TMEM108: variants seen among roughly 807,000 people sequenced by gnomAD.
The protein encoded by TMEM108 is cancer/testis antigen 124.
A neutral mutation model predicts 35.1 loss-of-function variants in TMEM108; 12 were observed. The ratio of observed to expected loss-of-function variants is 0.34; its 90% CI spans 0.22 to 0.55. TMEM108 has a LOEUF of 0.55. Among genes scored for constraint, TMEM108 ranks in the 20% least tolerant of loss-of-function variants. TMEM108 has a pLI of 0.89. For synonymous variants in TMEM108, 287 were observed against 308.6 expected, an observed-to-expected ratio of 0.93 and a Z score of 0.73; for missense variants, 680 against 753.3, an observed-to-expected ratio of 0.90 and a Z score of 1.14.
chr3:133,292,632 G>T (rs1193082531), intron 3 of TMEM108, among the ~76,000 whole-genome samples: 1 of 152,204 alleles, frequency 6.6e-6, no homozygotes, highest in Non-Finnish European at 1.5e-5. Context: ...TTCAGAGCCT[G>T]CCTGCTATGG....
At chr3:133,078,767 T>A (rs1005324319) in intron 2 of TMEM108, among the ~76,000 whole-genome samples, 1 of 152,216 alleles carries the variant, frequency 6.6e-6, no homozygotes, top group Non-Finnish European at 1.5e-5. Context: ...TATGAAATGT[T>A]TTTTTCTTTC....
chr3:133,372,692 T>C lies in TMEM108; in HGVS notation c.41-7060T>C, dbSNP rs151005196. ...CAGTCTAGCTGTTGAACCAGTAATC[T>C]CAGAGATGTCTGTAATCTACCAAAC... On this transcript the variant is annotated intron_variant, in intron 3 of 5. Coordinates refer to ENST00000321871, the MANE Select transcript of TMEM108 (RefSeq NM_023943.4). Among the ~76,000 whole-genome samples the C allele has an allele frequency of 3.3e-5, 5 of 152,340 alleles. No homozygotes were observed. In the East Asian group the frequency reaches 5.8e-4, roughly 18 times the overall value.
At position 133,322,156 on chromosome 3, in the gene TMEM108, A is replaced by G. The variant is rs570933747; in HGVS notation, c.41-57596A>G. Among the ~76,000 whole-genome samples, 15 of 152,334 alleles carry G rather than the reference A, an allele frequency of 9.8e-5. No individual in the cohort carries two copies. The South Asian group carries it at 2.3e-3, about 23-fold the overall frequency. On this transcript the variant is annotated intron_variant, in intron 3 of 5. Transcript: ENST00000321871. Reference sequence around the variant, plus strand: ...ACAACAATCCAAACCCAAACCCGGCAGAAGAAAAGCAATAACAAAGATCAG... The same window carrying G: ...ACAACAATCCAAACCCAAACCCGGCGGAAGAAAAGCAATAACAAAGATCAG...
intron 2 of TMEM108, among the ~76,000 whole-genome samples, chr3:133,070,993 G>T (rs1396902640): frequency 1.3e-5 from 2 of 152,100 alleles, no homozygotes; most frequent in African/African-American, 2.4e-5. Context: ...CTCATTTAAG[G>T]TAGGAGCTCA....
intron 3 of TMEM108, among the ~76,000 whole-genome samples, chr3:133,229,896 T>A (rs375648970): frequency 6.6e-6 from 1 of 152,130 alleles, no homozygotes; most frequent in Non-Finnish European, 1.5e-5. Flanking sequence ...GAATAAAGAG[T>A]GTTCAATTAT....
At chr3:133,251,753 G>T (rs1352910837) in intron 3 of TMEM108, among the ~76,000 whole-genome samples, 1 of 152,142 alleles carries the variant, frequency 6.6e-6, no homozygotes, top group African/African-American at 2.4e-5. Context: ...AGGAAATGTT[G>T]TCTAGATTTG....
At chr3:133,154,918 G>A (rs1297410906) in intron 2 of TMEM108, among the ~76,000 whole-genome samples, 2 of 152,026 alleles carry the variant, frequency 1.3e-5, no homozygotes, top group Non-Finnish European at 2.9e-5. Context: ...ACATGTGCAG[G>A]TTTGTTATAT....
At chr3:133,121,923 A>T (rs1944357811) in intron 2 of TMEM108, among the ~76,000 whole-genome samples, 1 of 152,144 alleles carries the variant, frequency 6.6e-6, no homozygotes, top group Admixed American at 6.5e-5. Context: ...AAAATATTAT[A>T]CCATGGTTTC....
At chr3:133,140,077 A>G (rs953696580) in intron 2 of TMEM108, among the ~76,000 whole-genome samples, 4 of 152,172 alleles carry the variant, frequency 2.6e-5, no homozygotes, top group African/African-American at 9.7e-5. Flanking sequence ...TCAATTTGTT[A>G]TATGCCATTG....
At chr3:133,205,613 G>A (rs1171085545) in intron 2 of TMEM108, among the ~76,000 whole-genome samples, 1 of 152,106 alleles carries the variant, frequency 6.6e-6, no homozygotes, top group Admixed American at 6.6e-5. Context: ...CTTTAAGAAT[G>A]TTGAATATTG....
rs185504455 is a variant in TMEM108, at chr3:133,067,023, C to G, written c.-47+21003C>G. Among the ~76,000 whole-genome samples the G allele has an allele frequency of 8.1e-3, 1,232 of 152,244 alleles. 10 individuals carry two copies. The highest frequency in any genetic ancestry group is 0.02 in the Middle Eastern group (6 of 294). The stretch of plus-strand genomic sequence containing the variant: ...TCATTTTCACTTGGGTAAACATGTA[C>G]TACTTATCCATTTCCTTATGAACAA... On this transcript the variant is annotated intron_variant, in intron 2 of 5. Coordinates refer to ENST00000321871, the MANE Select transcript of TMEM108 (RefSeq NM_023943.4).
intron 2 of TMEM108, among the ~76,000 whole-genome samples, chr3:133,170,968 C>A (rs1945121962): frequency 6.6e-6 from 1 of 152,104 alleles, no homozygotes; most frequent in Non-Finnish European, 1.5e-5. Flanking sequence ...GATTAGGCAA[C>A]TAAAAACAGA....
chr3:133,356,630 G>T (rs1472199859), intron 3 of TMEM108, among the ~76,000 whole-genome samples: 1 of 152,262 alleles, frequency 6.6e-6, no homozygotes, highest in Admixed American at 6.5e-5. Flanking sequence ...CAGGCACTTA[G>T]ACCAATGGGA....
intron 2 of TMEM108, among the ~76,000 whole-genome samples, chr3:133,099,385 G>T (rs1414141379): frequency 6.6e-6 from 1 of 152,210 alleles, no homozygotes; most frequent in African/African-American, 2.4e-5. Flanking sequence ...CTGCCGTGAA[G>T]GTCTCTGACA....
At chr3:133,200,562 C>G (rs1416242002) in intron 2 of TMEM108, among the ~76,000 whole-genome samples, 3 of 152,174 alleles carry the variant, frequency 2.0e-5, no homozygotes, top group Non-Finnish European at 2.9e-5. Flanking sequence ...ACCCAATCCT[C>G]CCTGCCTCAA....
At chr3:133,235,183 TA>T (rs1946216150) in intron 3 of TMEM108, among the ~76,000 whole-genome samples, 1 of 151,718 alleles carries the variant, frequency 6.6e-6, no homozygotes, top group African/African-American at 2.4e-5. Flanking sequence ...CTGCCCAAGG[TA>T]ATTTATAGAT....
At chr3:133,304,166 G>A (rs1390047533) in intron 3 of TMEM108, among the ~76,000 whole-genome samples, 5 of 152,168 alleles carry the variant, frequency 3.3e-5, no homozygotes, top group Admixed American at 3.3e-4. Flanking sequence ...AGGAGTTCAA[G>A]AAATGCTCAA....
At chr3:133,314,976 C>T (rs2071178782) in intron 3 of TMEM108, among the ~76,000 whole-genome samples, 1 of 152,170 alleles carries the variant, frequency 6.6e-6, no homozygotes, top group Non-Finnish European at 1.5e-5. Flanking sequence ...TTGGCATCAC[C>T]ATCCACTGAC....
chr3:133,144,867 C>A (rs1944693973), intron 2 of TMEM108, among the ~76,000 whole-genome samples: 1 of 152,062 alleles, frequency 6.6e-6, no homozygotes, highest in Non-Finnish European at 1.5e-5. Flanking sequence ...TGAATATTAG[C>A]CCTTTGTCAG....
Sources: gnomAD v4.1 joint callset for allele counts (sites outside exome capture counted in the v4.1 genomes callset) on GRCh38, gnomAD v4.1.1 for gene constraint, MANE v1.5 for transcripts, NCBI Gene and HGNC (gene_info 2026-07-23, HGNC 2026-07-21) for gene names.